TRDN: variants seen among roughly 807,000 people sequenced by gnomAD.
The protein encoded by TRDN is triadin.
Under a neutral mutation model 149.7 loss-of-function variants are expected in TRDN, and 161 were observed. The ratio of observed to expected loss-of-function variants is 1.08; its 90% CI spans 0.95 to 1.23. The LOEUF (loss-of-function observed/expected upper bound fraction) is 1.23. TRDN is among the 50% of genes most tolerant of loss of function. The pLI is 0.00. For synonymous variants in TRDN, 294 were observed against 250.5 expected (o/e 1.17, Z -1.64); for missense variants, 896 against 823.5 (o/e 1.09, Z -1.08).
chr6:123,444,108 G>C (rs1239874990), intron 10 of TRDN, among the ~76,000 whole-genome samples: 1 of 146,060 alleles, frequency 6.8e-6, no homozygotes, highest in Non-Finnish European at 1.5e-5. Flanking sequence ...AATTACCTTG[G>C]GCAGTATGGC....
At chr6:123,347,394 T>C (rs1389872390) in intron 21 of TRDN, among the ~76,000 whole-genome samples, 2 of 152,036 alleles carry the variant, frequency 1.3e-5, no homozygotes, top group Non-Finnish European at 2.9e-5. Flanking sequence ...TCTGTGTGTA[T>C]CAAGGGCATA....
intron 10 of TRDN, chr6:123,464,661 C>T: frequency 8.1e-7 from 1 of 1,236,310 alleles, no homozygotes; most frequent in African/African-American, 1.5e-5. Context: ...GCTTGATTCC[C>T]AAAGTGCTAG....
chr6:123,598,189 C>T (rs757863330), intron 1 of TRDN, among the ~76,000 whole-genome samples: 33 of 152,056 alleles, frequency 2.2e-4, no homozygotes, highest in East Asian at 1.9e-4. Context: ...ACTGACCCTC[C>T]CTTCTACAGT....
rs754565585 is a variant in TRDN, at chr6:123,218,591, A to C, written c.*10T>G. 2 of 1,610,222 alleles carry C rather than the reference A, an allele frequency of 1.2e-6. No individual in the cohort carries two copies. The highest frequency in any genetic ancestry group is 1.7e-6 in the Non-Finnish European group (2 of 1,177,876). Reference sequence around the variant, plus strand: ...ATCTTAAAGCACTTGTAAGGGTCATACATGTGTGTTTACTGTCCTTGTTGC... The same window carrying C: ...ATCTTAAAGCACTTGTAAGGGTCATCCATGTGTGTTTACTGTCCTTGTTGC... On this transcript the variant is annotated 3_prime_UTR_variant, in exon 41 of 41. Coordinates refer to ENST00000334268, the MANE Select transcript of TRDN (RefSeq NM_006073.4).
In TRDN at chr6:123,316,452, C is replaced by T. The variant is rs1779025821; in HGVS notation, c.1510+5G>A. 2.5e-6 allele frequency: 4 copies of T among 1,609,744 alleles called. No homozygotes were observed. The highest frequency in any genetic ancestry group is 3.4e-6 in the Non-Finnish European group (4 of 1,177,224). On this transcript the variant is annotated splice_donor_5th_base_variant and intron_variant, in intron 24 of 40. Coordinates refer to ENST00000334268, the MANE Select transcript of TRDN (RefSeq NM_006073.4). The stretch of plus-strand genomic sequence containing the variant: ...TTGTATGTAAATCTTACAAAATATC[C>T]TTACCTGCTTTGGACATCTTTTCAT...
intron 20 of TRDN, among the ~76,000 whole-genome samples, chr6:123,358,969 A>G (rs556442984): frequency 6.6e-6 from 1 of 152,322 alleles, no homozygotes; most frequent in East Asian, 1.9e-4. Context: ...CAAAGATAGA[A>G]TGCTATTATT....
At chr6:123,219,333 G>T (rs1775059227) in intron 40 of TRDN, among the ~76,000 whole-genome samples, 1 of 151,788 alleles carries the variant, frequency 6.6e-6, no homozygotes, top group African/African-American at 2.4e-5. Flanking sequence ...GTGCAAGTAA[G>T]GACTCTGGAC....
At chr6:123,529,432 A>T (rs752563399) in intron 5 of TRDN, 15 of 1,306,568 alleles carry the variant, frequency 1.1e-5, no homozygotes, top group Non-Finnish European at 1.6e-5. Context: ...TGACCAATCT[A>T]GAATGAATTC....
intron 10 of TRDN, among the ~76,000 whole-genome samples, chr6:123,449,977 A>G (rs1173826832): frequency 6.6e-6 from 1 of 152,182 alleles, no homozygotes; most frequent in Admixed American, 6.5e-5. Flanking sequence ...TAAGCATCAT[A>G]TATGAAGGAA....
At chr6:123,546,511 C>G (rs747193398) in intron 4 of TRDN, among the ~76,000 whole-genome samples, 2 of 152,060 alleles carry the variant, frequency 1.3e-5, no homozygotes, top group Non-Finnish European at 2.9e-5. Flanking sequence ...TGGGTAAACC[C>G]TCAACAGCCT....
chr6:123,388,309 A>G (rs1781982179), intron 14 of TRDN, among the ~76,000 whole-genome samples: 1 of 152,148 alleles, frequency 6.6e-6, no homozygotes, highest in Admixed American at 6.6e-5. Flanking sequence ...TATTCCTTAT[A>G]TCTTGAGAAA....
intron 21 of TRDN, chr6:123,350,396 CTAAA>C: frequency 1.3e-6 from 1 of 793,778 alleles, no homozygotes; most frequent in Non-Finnish European, 1.5e-6. Flanking sequence ...TATAATTTTT[CTAAA>C]TAAAGTCCAC....
chr6:123,500,712 C>T (rs901019535), intron 8 of TRDN, among the ~76,000 whole-genome samples: 4 of 152,044 alleles, frequency 2.6e-5, no homozygotes, highest in African/African-American at 7.2e-5. Context: ...AGTTGGTGTT[C>T]CCTGTGGAAT....
chr6:123,470,328 T>C (rs944339535), intron 9 of TRDN: 2 of 152,060 alleles, frequency 1.3e-5, no homozygotes, highest in African/African-American at 4.8e-5. Flanking sequence ...CTAACTTAGG[T>C]CTGTTGTTTC....
chr6:123,567,385 T>C (rs1459656124), intron 2 of TRDN, among the ~76,000 whole-genome samples: 1 of 152,008 alleles, frequency 6.6e-6, no homozygotes, highest in Non-Finnish European at 1.5e-5. Flanking sequence ...GCTGGCAGAG[T>C]CAACTCAATC....
chr6:123,252,406 A>G lies in TRDN; in HGVS notation c.1975+6T>C. On this transcript the variant is annotated splice_donor_region_variant and intron_variant, in intron 38 of 40. Coordinates refer to ENST00000334268, the MANE Select transcript of TRDN (RefSeq NM_006073.4). ...AGAACTTGTCATTAATACAAACCGT[A>G]CTTACTTGATACTCTTGCAGGTTTT... The G allele has an allele frequency of 6.6e-7, 1 of 1,513,536 alleles. No homozygotes were observed. 93.8% of individuals were successfully genotyped at this position (1,513,536 alleles called of 1,614,324 possible). A position where few individuals can be genotyped will look rare whatever the true frequency, so the allele number is the denominator to read the frequency against.
chr6:123,270,863 C>A (rs895070373), intron 30 of TRDN, among the ~76,000 whole-genome samples: 4 of 151,930 alleles, frequency 2.6e-5, no homozygotes, highest in Non-Finnish European at 5.9e-5. Flanking sequence ...GTAATCAATG[C>A]ATTATATAGA....
At chr6:123,474,155 G>T (rs1300423414) in intron 9 of TRDN, among the ~76,000 whole-genome samples, 1 of 145,760 alleles carries the variant, frequency 6.9e-6, no homozygotes, top group Non-Finnish European at 1.5e-5. Flanking sequence ...CTGGCAAATT[G>T]GATAGAGTCA....
intron 38 of TRDN, among the ~76,000 whole-genome samples, chr6:123,240,449 T>A (rs1775948739): frequency 6.6e-6 from 1 of 151,736 alleles, no homozygotes; most frequent in African/African-American, 2.4e-5. Flanking sequence ...ATATAATCAA[T>A]CTTACTTGCT....
Sources: allele counts gnomAD v4.1 joint callset (sites outside exome capture counted in the v4.1 genomes callset), GRCh38; gene constraint gnomAD v4.1.1; transcripts MANE v1.5; gene names NCBI Gene and HGNC (gene_info 2026-07-23, HGNC 2026-07-21).